Variants in BICD1 observed in about 807,000 individuals in gnomAD.
BICD1 encodes the protein protein bicaudal D homolog 1.
In BICD1, 35 loss-of-function variants were observed where a neutral mutation model predicts 92.5. The observed-to-expected ratio is 0.38, with a 90% CI of 0.29 to 0.50. The LOEUF (loss-of-function observed/expected upper bound fraction) is 0.50, where lower values mean the gene tolerates loss of function less well. Ranked by LOEUF, BICD1 falls within the 20% of genes least tolerant of loss-of-function variation. BICD1 has a pLI of 0.93. For synonymous variants in BICD1, 429 were observed against 465.1 expected (o/e 0.92, Z 1.00); for missense variants, 950 against 1,189.8 (o/e 0.80, Z 2.97).
chr12:32,367,844 T>G, intron 9 of BICD1, 99 bp downstream of exon 9: 1 of 1,072,422 alleles, frequency 9.3e-7, no homozygotes, highest in Non-Finnish European at 1.4e-6. Flanking sequence ...CATCATTGTA[T>G]TTTGCTGTAT....
At chr12:32,230,910 C>A (rs914886603) in intron 2 of BICD1, among the ~76,000 whole-genome samples, 4 of 152,052 alleles carry the variant, frequency 2.6e-5, no homozygotes, top group Non-Finnish European at 5.9e-5. Flanking sequence ...GCTCATAGAA[C>A]CAGTGAATAT....
chr12:32,175,214 A>G (rs540691467), intron 1 of BICD1, among the ~76,000 whole-genome samples: 8 of 152,356 alleles, frequency 5.3e-5, no homozygotes, highest in African/African-American at 1.9e-4. Context: ...AAATGAATGA[A>G]TGCATGAATG....
At chr12:32,158,111 T>C (rs139100075) in intron 1 of BICD1, among the ~76,000 whole-genome samples, 15,697 of 149,712 alleles carry the variant, frequency 0.1, 1,194 homozygotes, top group Non-Finnish European at 0.14. Context: ...TTTTTCTTTT[T>C]TTTTTTTTTT....
intron 1 of BICD1, among the ~76,000 whole-genome samples, chr12:32,165,873 AAGTAC>A (rs1943748550): frequency 6.6e-6 from 1 of 152,066 alleles, no homozygotes; most frequent in Non-Finnish European, 1.5e-5. Flanking sequence ...AACCATAGAG[AAGTAC>A]CTGTGGAACT....
chr12:32,177,887 G>A (rs893513631), intron 1 of BICD1, among the ~76,000 whole-genome samples: 2 of 149,786 alleles, frequency 1.3e-5, no homozygotes, highest in Non-Finnish European at 3.0e-5. Context: ...GCTTACCAAA[G>A]TTATTTGCAG....
rs2388986 is a variant in BICD1, at chr12:32,342,168, A to G, written c.2764+3189A>G. ...TATATATATGTGTGTATATATATGT[A>G]TATATATATGTGTGTATATATATAT... On this transcript the variant is annotated intron_variant, in intron 8 of 9. Transcript: ENST00000652176. Among the ~76,000 whole-genome samples the G allele has an allele frequency of 3.4e-3, 271 of 78,844 alleles. 2 individuals carry two copies. The highest frequency in any genetic ancestry group is 0.028 in the East Asian group (115 of 4,112). The allele number at this position is 78,844 out of a possible 152,430, so 51.7% of individuals were successfully genotyped here.
chr12:32,299,380 G>T (rs1947969635), intron 3 of BICD1, among the ~76,000 whole-genome samples: 1 of 152,198 alleles, frequency 6.6e-6, no homozygotes, highest in Admixed American at 6.5e-5. Flanking sequence ...ACAGAAAGGA[G>T]TGATGAGTTT....
At chr12:32,274,371 G>A (rs1947224057) in intron 2 of BICD1, among the ~76,000 whole-genome samples, 1 of 152,082 alleles carries the variant, frequency 6.6e-6, no homozygotes, top group African/African-American at 2.4e-5. Context: ...GAAAGATTCT[G>A]GAAACACATT....
intron 2 of BICD1, among the ~76,000 whole-genome samples, chr12:32,283,055 T>A (rs1947462019): frequency 6.6e-6 from 1 of 151,976 alleles, no homozygotes; most frequent in Non-Finnish European, 1.5e-5. Flanking sequence ...AAAATGAAGG[T>A]GGGGATAGAA....
chr12:32,332,752 G>C (rs932102979), intron 5 of BICD1: 5 of 630,846 alleles, frequency 7.9e-6, no homozygotes, highest in Non-Finnish European at 9.9e-6. Flanking sequence ...TTTTCCAGAG[G>C]AGGAGGAAGT....
intron 2 of BICD1, among the ~76,000 whole-genome samples, chr12:32,282,782 A>G (rs1947455962): frequency 6.6e-6 from 1 of 152,176 alleles, no homozygotes; most frequent in Admixed American, 6.5e-5. Context: ...AAGTGTTTCC[A>G]AAAGCAACAC....
At chr12:32,196,748 A>G (rs1217285958) in intron 1 of BICD1, among the ~76,000 whole-genome samples, 1 of 151,602 alleles carries the variant, frequency 6.6e-6, no homozygotes, top group Admixed American at 6.6e-5. Context: ...ACTTGAAATT[A>G]GATAAGAAGA....
intron 8 of BICD1, among the ~76,000 whole-genome samples, chr12:32,354,693 A>G: frequency 6.6e-6 from 1 of 152,208 alleles, no homozygotes; most frequent in Non-Finnish European, 1.5e-5. Context: ...AGCCAACTCT[A>G]TGTGTTTGAT....
chr12:32,176,468 A>G (rs975891628), intron 1 of BICD1, among the ~76,000 whole-genome samples: 1 of 152,198 alleles, frequency 6.6e-6, no homozygotes, highest in African/African-American at 2.4e-5. Flanking sequence ...GTACAGTTCA[A>G]TTATTTTTGG....
intron 2 of BICD1, among the ~76,000 whole-genome samples, chr12:32,252,062 T>TTATA (rs1946550393): frequency 2.3e-5 from 1 of 44,190 alleles, no homozygotes; most frequent in Non-Finnish European, 4.0e-5. Flanking sequence ...TATTATATAT[T>TTATA]ATATATTTAT....
At chr12:32,182,278 CTTTTTTTTT>C (rs759328721) in intron 1 of BICD1, among the ~76,000 whole-genome samples, 1 of 81,422 alleles carries the variant, frequency 1.2e-5, no homozygotes, top group African/African-American at 4.3e-5. Context: ...TTCTTTCTTT[CTTTTTTTTT>C]TTTTTTTTTT....
intron 3 of BICD1, among the ~76,000 whole-genome samples, chr12:32,299,978 G>A (rs7970657): frequency 0.14 from 21,554 of 152,122 alleles, 2,100 homozygotes; most frequent in African/African-American, 0.27. Flanking sequence ...TCTCTCTTGC[G>A]ACTACCCAGC....
chr12:32,194,998 T>G (rs1351337672), intron 1 of BICD1, among the ~76,000 whole-genome samples: 1 of 147,480 alleles, frequency 6.8e-6, no homozygotes, highest in Non-Finnish European at 1.5e-5. Flanking sequence ...AATTGAAGGC[T>G]GGGGCAGAAG....
intron 4 of BICD1, among the ~76,000 whole-genome samples, chr12:32,326,708 G>A (rs1335415487): frequency 6.6e-6 from 1 of 152,142 alleles, no homozygotes; most frequent in Non-Finnish European, 1.5e-5. Context: ...AACATAGCAA[G>A]ACTCTGTCTC....
Sources: gnomAD v4.1 joint callset for allele counts (sites outside exome capture counted in the v4.1 genomes callset) on GRCh38, gnomAD v4.1.1 for gene constraint, MANE v1.5 for transcripts, NCBI Gene and HGNC (gene_info 2026-07-23, HGNC 2026-07-21) for gene names.